Variants in IGDCC3 observed in about 807,000 individuals in gnomAD.
IGDCC3 encodes the protein immunoglobulin superfamily DCC subclass member 3, also known as putative neuronal cell adhesion molecule.
In IGDCC3, 47 loss-of-function variants were observed where a neutral mutation model predicts 72.0. The ratio of observed to expected loss-of-function variants is 0.65; its 90% CI spans 0.52 to 0.83. The LOEUF (loss-of-function observed/expected upper bound fraction) is 0.83, where lower values mean the gene tolerates loss of function less well. Among genes scored for constraint, IGDCC3 ranks in the 40% least tolerant of loss-of-function variants. The pLI is 0.00. For missense variants in IGDCC3, 1,038 were observed against 1,091.3 expected (o/e 0.95, Z 0.69); for synonymous variants, 477 against 472.8 (o/e 1.01, Z -0.11).
intron 7 of IGDCC3, 96 bp from the exon 8 acceptor site, chr15:65,331,755 A>G: frequency 6.9e-7 from 1 of 1,457,190 alleles, no homozygotes. Context: ...TTTCCAGGAG[A>G]CAAACGACTT....
Position 65,331,227 on chromosome 15 carries a change from A to C in IGDCC3, c.1397-13T>G, listed in dbSNP as rs746522726. 1.9e-6 allele frequency: 3 copies of C among 1,612,776 alleles called. No homozygotes were observed. The highest frequency in any genetic ancestry group is 2.5e-6 in the Non-Finnish European group (3 of 1,179,406). ...AGCTCCGGTGGGTCTGGAGAGGCAC[A>C]GGGTGGGCAGGGGAGTGTGAAGGAC... On this transcript the variant is annotated splice_polypyrimidine_tract_variant and intron_variant, in intron 8 of 13. Coordinates refer to ENST00000327987, the MANE Select transcript of IGDCC3 (RefSeq NM_004884.4).
In IGDCC3 at chr15:65,368,160, T is replaced by TCACACACACA. The variant is rs57451250; in HGVS notation, c.409+6927_409+6936dup. On this transcript the variant is annotated intron_variant, in intron 2 of 13. Coordinates refer to ENST00000327987, the MANE Select transcript of IGDCC3 (RefSeq NM_004884.4). ...CTGTGGAAAACTCTCTCTCTTTCACTCACACACACACACACACACACACAC... is the reference window on the plus strand; with the variant it reads ...CTGTGGAAAACTCTCTCTCTTTCACTCACACACACACACACACACACACACACACACACAC... Among the ~76,000 whole-genome samples, 732 of 146,276 alleles carry TCACACACACA rather than the reference T, an allele frequency of 5.0e-3. 8 individuals are homozygous for TCACACACACA. The highest frequency in any genetic ancestry group is 0.018 in the African/African-American group (692 of 38,878).
In IGDCC3 at chr15:65,329,459, C is replaced by T. The variant is rs1169117415; in HGVS notation, c.2136G>A (p.Val712=). 3 of 1,610,602 alleles carry T rather than the reference C, an allele frequency of 1.9e-6. No homozygotes were observed. The African/African-American group carries it at 4.0e-5, about 22-fold the overall frequency. Residue 712 remains valine (V), a synonymous_variant, in exon 13 of 14, where the codon GTG becomes GTA. Transcript: ENST00000327987. The surrounding 1 kb of genome is among the most constrained non-coding windows in gnomAD (Gnocchi z 4.1). ...RGQLGRDEKR[V]DMKELEQLFP... is the part of the protein sequence containing the mutation. ...ACAGCTGCTCCAGCTCCTTCATATCCACACGTTTCTCGTCTCGGCCCAGCT... is the reference window on the plus strand; with the variant it reads ...ACAGCTGCTCCAGCTCCTTCATATCTACACGTTTCTCGTCTCGGCCCAGCT...
chr15:65,374,930 C>T (rs1441571256), intron 2 of IGDCC3, among the ~76,000 whole-genome samples, 167 bp downstream of exon 2: 1 of 152,180 alleles, frequency 6.6e-6, no homozygotes, highest in East Asian at 1.9e-4. Context: ...TGATATAATT[C>T]CACCGCCACG....
intron 2 of IGDCC3, among the ~76,000 whole-genome samples, chr15:65,367,838 T>C (rs545343549): frequency 6.6e-6 from 1 of 152,246 alleles, no homozygotes; most frequent in African/African-American, 2.4e-5. Flanking sequence ...TGAGGAGAGA[T>C]GGACCCCAAC....
At chr15:65,361,825 T>A (rs2091263806) in intron 2 of IGDCC3, among the ~76,000 whole-genome samples, 1 of 152,210 alleles carries the variant, frequency 6.6e-6, no homozygotes, top group Non-Finnish European at 1.5e-5. Flanking sequence ...GCGCCGCTCC[T>A]CCTGCCTCGA....
At chr15:65,349,803 G>A (rs2091157850) in intron 2 of IGDCC3, among the ~76,000 whole-genome samples, 1 of 152,166 alleles carries the variant, frequency 6.6e-6, no homozygotes, top group Non-Finnish European at 1.5e-5. Flanking sequence ...ATATTAAATA[G>A]TTAAAAGCTT....
intron 5 of IGDCC3, among the ~76,000 whole-genome samples, chr15:65,333,965 C>T (rs2091002443): frequency 6.6e-6 from 1 of 152,178 alleles, no homozygotes; most frequent in South Asian, 2.1e-4. Flanking sequence ...TCTTTCCAGC[C>T]TCTCCCAGGG....
chr15:65,349,934 C>T (rs534681780), intron 2 of IGDCC3, among the ~76,000 whole-genome samples: 1 of 152,182 alleles, frequency 6.6e-6, no homozygotes, highest in East Asian at 1.9e-4. Flanking sequence ...GGTTCAGTTC[C>T]CCATCTAGGA....
chr15:65,377,733 C>A lies in IGDCC3; in HGVS notation c.56G>T (p.Arg19Leu). ...PRRPPAPLWP[R>L]LLLPLLLLLL... ...CAGCAACAGCAGCGGCAGCAGGAGC[C>A]GGGGCCAGAGCGGGGCGGGCGGGCG... The change falls in exon 1 of 14, where the codon CGG (arginine) becomes CTG (leucine). Residue 19 changes from arginine to leucine, a missense_variant. Coordinates refer to ENST00000327987, the MANE Select transcript of IGDCC3 (RefSeq NM_004884.4). The surrounding 1 kb of genome is among the most constrained non-coding windows in gnomAD (Gnocchi z 4.9). 2 of 1,358,978 alleles carry A rather than the reference C, an allele frequency of 1.5e-6. No individual in the cohort carries two copies. Among genetic ancestry groups the A allele is most frequent in the Non-Finnish European group, 1.9e-6 (2 of 1,059,754 alleles). 84.2% of individuals were successfully genotyped at this position (1,358,978 alleles called of 1,614,324 possible).
intron 2 of IGDCC3, among the ~76,000 whole-genome samples, chr15:65,359,810 A>G (rs1386556873): frequency 6.6e-6 from 1 of 152,194 alleles, no homozygotes; most frequent in African/African-American, 2.4e-5. Context: ...AGCTCCTGAC[A>G]GCAGGGACTC....
chr15:65,366,609 C>T (rs182141649), intron 2 of IGDCC3, among the ~76,000 whole-genome samples: 23 of 152,258 alleles, frequency 1.5e-4, no homozygotes, highest in Non-Finnish European at 2.8e-4. Context: ...GAGAGAAGGG[C>T]GGGTGGAGCC....
chr15:65,333,166 G>C, intron 6 of IGDCC3, 91 bp downstream of exon 6: 1 of 1,289,600 alleles, frequency 7.8e-7, no homozygotes, highest in Admixed American at 2.5e-5. Flanking sequence ...GGAGACTGGG[G>C]TGGGACAGGG....
chr15:65,357,671 C>A (rs2091233934), intron 2 of IGDCC3, among the ~76,000 whole-genome samples: 1 of 152,208 alleles, frequency 6.6e-6, no homozygotes, highest in Non-Finnish European at 1.5e-5. Context: ...AAAAGCTTTC[C>A]AAAATTTAAG....
intron 2 of IGDCC3, among the ~76,000 whole-genome samples, chr15:65,363,232 G>A (rs538669180): frequency 6.6e-6 from 1 of 152,282 alleles, no homozygotes; most frequent in East Asian, 1.9e-4. Flanking sequence ...GGGTTAGGTT[G>A]GGAGGGAAAC....
intron 6 of IGDCC3, 46 bp downstream of exon 6, chr15:65,333,211 T>C: frequency 6.6e-7 from 1 of 1,518,640 alleles, no homozygotes. Flanking sequence ...AGGAAGGGAC[T>C]GTGCGGAGAT....
At position 65,328,945 on chromosome 15, in the gene IGDCC3, C is replaced by G; in HGVS notation, c.2409G>C (p.Ala803=). The G allele has an allele frequency of 6.4e-7, 1 of 1,566,126 alleles. No homozygotes were observed. The highest frequency in any genetic ancestry group is 8.6e-7 in the Non-Finnish European group (1 of 1,159,254). ...LSEGQASRPA[A]ARVTQPAHSE... is the part of the protein sequence containing the mutation. Reference sequence around the variant, plus strand: ...AGTGAGCTGGCTGGGTAACCCGGGCCGCTGCAGGCCTGGAAGCCTGGCCTT... The same window carrying G: ...AGTGAGCTGGCTGGGTAACCCGGGCGGCTGCAGGCCTGGAAGCCTGGCCTT... The change falls in exon 14 of 14, where the codon GCG becomes GCC. Residue 803 remains alanine, a synonymous_variant. Transcript: ENST00000327987.
At position 65,376,434 on chromosome 15, in the gene IGDCC3, G is replaced by T. The variant is rs553897909; in HGVS notation, c.104-1032C>A. ...CACTCGAGGAGGAATGAACCCACCT[G>T]GTCTGAAATGGCAGTCACAGACCCC... On this transcript the variant is annotated intron_variant, in intron 1 of 13. Coordinates refer to ENST00000327987, the MANE Select transcript of IGDCC3 (RefSeq NM_004884.4). Among the ~76,000 whole-genome samples the T allele has an allele frequency of 5.3e-5, 8 of 152,322 alleles. No homozygotes were observed. In the South Asian group the frequency reaches 1.7e-3, roughly 32 times the overall value.
At position 65,328,268 on chromosome 15, in the gene IGDCC3, T is replaced by TC. The variant is rs374122839; in HGVS notation, c.*640dup. 1.3e-5 allele frequency: 2 copies of TC among 151,214 alleles called. No individual in the cohort carries two copies. The highest frequency in any genetic ancestry group is 2.9e-5 in the Non-Finnish European group (2 of 67,854). 9.4% of individuals were successfully genotyped at this position (151,214 alleles called of 1,614,324 possible). On this transcript the variant is annotated 3_prime_UTR_variant, in exon 14 of 14. Coordinates refer to ENST00000327987, the MANE Select transcript of IGDCC3 (RefSeq NM_004884.4). Reference sequence around the variant, plus strand: ...GGAAATGGGGAAGTGCTTTTTTTTTTCTTTCACACCTGGAAACGGGGAAGT... The same window carrying TC: ...GGAAATGGGGAAGTGCTTTTTTTTTTCCTTTCACACCTGGAAACGGGGAAGT...
Sources: allele counts gnomAD v4.1 joint callset (sites outside exome capture counted in the v4.1 genomes callset), GRCh38; gene constraint gnomAD v4.1.1; non-coding constraint Gnocchi (gnomAD v3.1); transcripts MANE v1.5; gene names NCBI Gene and HGNC (gene_info 2026-07-23, HGNC 2026-07-21).